Variants in PARVB observed in about 807,000 individuals in gnomAD.
PARVB encodes beta-parvin.
PARVB carries 46 observed loss-of-function variants against 47.0 expected under a neutral mutation model. The observed-to-expected ratio is 0.98, with a 90% CI of 0.77 to 1.25. The LOEUF (loss-of-function observed/expected upper bound fraction) is 1.25, where lower values mean the gene tolerates loss of function less well. Ranked by LOEUF, PARVB falls within the 50% of genes most tolerant of loss-of-function variation. The pLI is 0.00. For missense variants in PARVB, 473 were observed against 471.6 expected (o/e 1.00, Z -0.03); for synonymous variants, 196 against 196.3 (o/e 1.00, Z 0.01).
At chr22:44,127,312 C>T (rs2053208467) in intron 4 of PARVB, among the ~76,000 whole-genome samples, 2 of 151,962 alleles carry the variant, frequency 1.3e-5, no homozygotes, top group African/African-American at 2.4e-5. Flanking sequence ...AGTAACACAG[C>T]ATCAGAATGT....
chr22:44,142,674 G>A (rs1299838150), intron 8 of PARVB: 1 of 152,182 alleles, frequency 6.6e-6, no homozygotes, highest in Non-Finnish European at 1.5e-5. Flanking sequence ...GTAAGAGCCA[G>A]GTGTCACATG....
intron 1 of PARVB, among the ~76,000 whole-genome samples, chr22:44,046,315 G>A (rs376063822): frequency 8.5e-5 from 13 of 152,378 alleles, no homozygotes; most frequent in African/African-American, 3.1e-4. Flanking sequence ...CTGATCTGGA[G>A]TAGGACCCTT....
intron 1 of PARVB, among the ~76,000 whole-genome samples, chr22:44,078,762 T>C (rs996951605): frequency 6.6e-6 from 1 of 152,180 alleles, no homozygotes; most frequent in African/African-American, 2.4e-5. Context: ...TCTCACTCTG[T>C]CGCCCAGGCT....
At chr22:44,092,960 G>A (rs546445343) in intron 1 of PARVB, among the ~76,000 whole-genome samples, 15 of 152,302 alleles carry the variant, frequency 9.8e-5, no homozygotes, top group Non-Finnish European at 1.8e-4. Context: ...GTACAGCTCC[G>A]GGCACACTGG....
chr22:44,076,294 A>C (rs2051772108), intron 1 of PARVB, among the ~76,000 whole-genome samples: 1 of 152,200 alleles, frequency 6.6e-6, no homozygotes, highest in South Asian at 2.1e-4. Flanking sequence ...TGTCACCTCT[A>C]GGAATGGTGA....
chr22:44,025,932 C>T (rs371623669), intron 1 of PARVB, among the ~76,000 whole-genome samples: 8 of 152,128 alleles, frequency 5.3e-5, no homozygotes, highest in East Asian at 3.9e-4. Context: ...TTTCGTGGAA[C>T]GGGGAATGAA....
At chr22:44,138,296 AG>A (rs1345661119) in intron 7 of PARVB, among the ~76,000 whole-genome samples, 2 of 152,106 alleles carry the variant, frequency 1.3e-5, no homozygotes, top group Non-Finnish European at 2.9e-5. Flanking sequence ...TTCCAGGAGG[AG>A]GGGAGCACCC....
upstream of PARVB, among the ~76,000 whole-genome samples, chr22:44,022,098 C>G (rs539099390): frequency 3.5e-4 from 54 of 152,204 alleles, no homozygotes; most frequent in Middle Eastern, 6.8e-3. Flanking sequence ...TGCAAAGACC[C>G]TTGTGAGATG....
chr22:44,051,174 G>A lies in PARVB; in HGVS notation c.112+26723G>A, dbSNP rs116674408. ...GCCGTAAAAATCCTACCACCAGCTC[G>A]TGGAAAAGGTCTCATTTGACAGGTG... is the stretch of plus-strand genomic sequence containing the variant. On this transcript the variant is annotated intron_variant, in intron 1 of 12. Coordinates refer to ENST00000338758, the MANE Select transcript of PARVB (RefSeq NM_013327.5). Among the ~76,000 whole-genome samples the A allele has an allele frequency of 5.1e-3, 783 of 152,342 alleles. 3 individuals are homozygous for A. Among genetic ancestry groups the A allele is most frequent in the African/African-American group, 0.018 (747 of 41,584 alleles).
chr22:44,010,088 G>A (rs571862279), intron 2 of PARVB, among the ~76,000 whole-genome samples: 1 of 152,314 alleles, frequency 6.6e-6, no homozygotes, highest in South Asian at 2.1e-4. Context: ...TTACAGGCAT[G>A]AGCCACTGCG....
chr22:44,060,424 G>A (rs1276682652), intron 1 of PARVB, among the ~76,000 whole-genome samples: 1 of 152,170 alleles, frequency 6.6e-6, no homozygotes, highest in Non-Finnish European at 1.5e-5. Flanking sequence ...AAATGTTTGA[G>A]CAGCAGAAAG....
chr22:44,044,600 C>G (rs767148881), intron 1 of PARVB, among the ~76,000 whole-genome samples: 5 of 152,162 alleles, frequency 3.3e-5, no homozygotes, highest in Non-Finnish European at 5.9e-5. Flanking sequence ...ATTTTCATGC[C>G]TCAGCCTCTA....
chr22:44,059,655 G>A (rs1208518108), intron 1 of PARVB, among the ~76,000 whole-genome samples: 1 of 152,208 alleles, frequency 6.6e-6, no homozygotes, highest in African/African-American at 2.4e-5. Context: ...GATGCCTGTT[G>A]CCACAAAATG....
intron 2 of PARVB, among the ~76,000 whole-genome samples, chr22:44,014,733 A>G (rs906975766): frequency 6.6e-6 from 1 of 152,112 alleles, no homozygotes; most frequent in Non-Finnish European, 1.5e-5. Flanking sequence ...CGGTTTGATC[A>G]TTGTCCTTCC....
chr22:44,136,518 A>C lies in PARVB; in HGVS notation c.692A>C (p.Glu231Ala). 2 of 1,613,332 alleles carry C rather than the reference A, an allele frequency of 1.2e-6. No homozygotes were observed. The highest frequency in any genetic ancestry group is 1.7e-6 in the Non-Finnish European group (2 of 1,179,372). Residue 231 changes from glutamate to alanine, a missense_variant and splice_region_variant, in exon 7 of 13, where the codon GAG becomes GCG. Physicochemically the swap from Glu to Ala is moderately radical, Grantham distance 107 (BLOSUM62 -1). Coordinates refer to ENST00000338758, the MANE Select transcript of PARVB (RefSeq NM_013327.5). Reference protein sequence around the residue: ...HISEELTTTTEMMMGRFERDA... With the variant: ...HISEELTTTTAMMMGRFERDA... ...TCGGAGGAGCTGACCACAACTACAG[A>C]GTAAGTGGACCCCTGTCTTGCCCTT...
At chr22:44,136,741 C>G (rs1196732103) in intron 7 of PARVB, among the ~76,000 whole-genome samples, 1 of 152,230 alleles carries the variant, frequency 6.6e-6, no homozygotes, top group Non-Finnish European at 1.5e-5. Context: ...CTTCCACAGA[C>G]TTTGAATTTT....
At chr22:44,146,453 C>T (rs1376396499) in intron 8 of PARVB, 1 of 152,434 alleles carries the variant, frequency 6.6e-6, no homozygotes, top group East Asian at 1.9e-4. Flanking sequence ...CACACACGTA[C>T]ACATACACTT....
chr22:44,055,106 A>T lies in PARVB; in HGVS notation c.112+30655A>T, dbSNP rs74406932. On this transcript the variant is annotated intron_variant, in intron 1 of 12. Transcript: ENST00000338758. ...AAATACTGGGAAATACATTACACAT[A>T]CAAAAGAGTGTACATATGTATAGTT... 7.6e-3 allele frequency among the ~76,000 whole-genome samples: 1,153 copies of T among 152,144 alleles called. 18 individuals are homozygous for T. Among genetic ancestry groups the T allele is most frequent in the African/African-American group, 0.027 (1,108 of 41,510 alleles).
At chr22:44,025,640 C>A (rs987242291) in intron 1 of PARVB, among the ~76,000 whole-genome samples, 1 of 152,166 alleles carries the variant, frequency 6.6e-6, no homozygotes, top group African/African-American at 2.4e-5. Context: ...TTCTCTCAAG[C>A]CTTACACTGG....
Sources: allele counts gnomAD v4.1 joint callset (sites outside exome capture counted in the v4.1 genomes callset), GRCh38; gene constraint gnomAD v4.1.1; transcripts MANE v1.5; gene names NCBI Gene and HGNC (gene_info 2026-07-23, HGNC 2026-07-21).